CCSER1: variants seen among roughly 807,000 people sequenced by gnomAD.
CCSER1 encodes coiled-coil serine rich protein 1.
CCSER1 carries 41 observed loss-of-function variants against 82.0 expected under a neutral mutation model. The observed-to-expected ratio is 0.50, with a 90% CI of 0.39 to 0.65. CCSER1 has a LOEUF of 0.65. Ranked by LOEUF, CCSER1 falls within the 30% of genes least tolerant of loss-of-function variation. The probability of loss-of-function intolerance (pLI) is 0.00; values close to 1 mark genes in which losing one functional copy is unlikely to be tolerated. For synonymous variants in CCSER1, 414 were observed against 383.9 expected (o/e 1.08, Z -0.92); for missense variants, 1,119 against 1,064.2 (o/e 1.05, Z -0.72).
chr4:90,913,439 G>A (rs1004126899), intron 8 of CCSER1, among the ~76,000 whole-genome samples: 1 of 152,142 alleles, frequency 6.6e-6, no homozygotes, highest in African/African-American at 2.4e-5. Context: ...ACAAGCAAAT[G>A]CTGAGAGATT....
At chr4:91,489,334 C>T (rs574292107) in intron 10 of CCSER1, among the ~76,000 whole-genome samples, 6 of 152,208 alleles carry the variant, frequency 3.9e-5, no homozygotes, top group South Asian at 2.1e-4. Flanking sequence ...CTGAGTAATA[C>T]GGAAAGTAAT....
At chr4:91,308,636 C>G (rs1365669878) in intron 10 of CCSER1, among the ~76,000 whole-genome samples, 1 of 151,976 alleles carries the variant, frequency 6.6e-6, no homozygotes, top group Non-Finnish European at 1.5e-5. Context: ...TGCTGTTGCA[C>G]TAGCATGCAC....
chr4:91,420,862 C>A, intron 10 of CCSER1, among the ~76,000 whole-genome samples: 1 of 152,086 alleles, frequency 6.6e-6, no homozygotes, highest in East Asian at 1.9e-4. Flanking sequence ...TGGAAAATGT[C>A]TTTTAGTCAT....
chr4:91,547,704 G>A (rs1454358051), intron 10 of CCSER1, among the ~76,000 whole-genome samples: 8 of 152,004 alleles, frequency 5.3e-5, no homozygotes, highest in Non-Finnish European at 7.4e-5. Context: ...ATACTAATAT[G>A]TATCATATTT....
At chr4:91,154,774 G>T (rs1410453473) in intron 10 of CCSER1, among the ~76,000 whole-genome samples, 1 of 151,858 alleles carries the variant, frequency 6.6e-6, no homozygotes, top group African/African-American at 2.4e-5. Flanking sequence ...TTAAAATTGG[G>T]TCATTTAAAA....
chr4:91,442,648 T>C (rs569326434), intron 10 of CCSER1, among the ~76,000 whole-genome samples: 2,060 of 135,796 alleles, frequency 0.015, 17 homozygotes, highest in Non-Finnish European at 0.022. Flanking sequence ...AAAGAGCTTC[T>C]GCACAGCAAA....
At chr4:91,341,068 G>C (rs1166367805) in intron 10 of CCSER1, among the ~76,000 whole-genome samples, 1 of 152,130 alleles carries the variant, frequency 6.6e-6, no homozygotes, top group Non-Finnish European at 1.5e-5. Context: ...CAAATTTGCT[G>C]CCCAGATCTC....
chr4:90,331,914 G>A (rs561330020), intron 3 of CCSER1, among the ~76,000 whole-genome samples: 1 of 152,020 alleles, frequency 6.6e-6, no homozygotes, highest in African/African-American at 2.4e-5. Flanking sequence ...AGAACTTGTA[G>A]GAAGTAGAAC....
chr4:90,324,952 C>G (rs904775815), intron 3 of CCSER1, among the ~76,000 whole-genome samples: 1 of 152,118 alleles, frequency 6.6e-6, no homozygotes, highest in Non-Finnish European at 1.5e-5. Flanking sequence ...GCTTGTTTTT[C>G]TCAGATTTGT....
chr4:91,183,452 A>G (rs1734235739), intron 10 of CCSER1, among the ~76,000 whole-genome samples: 1 of 152,220 alleles, frequency 6.6e-6, no homozygotes, highest in East Asian at 1.9e-4. Context: ...AGTTAATTTC[A>G]AAAACTGAAA....
At chr4:90,526,507 G>A (rs182813887) in intron 5 of CCSER1, among the ~76,000 whole-genome samples, 31 of 151,968 alleles carry the variant, frequency 2.0e-4, no homozygotes, top group South Asian at 6.3e-4. Flanking sequence ...CCATCAACCC[G>A]TCATCTACAT....
intron 10 of CCSER1, among the ~76,000 whole-genome samples, chr4:91,468,999 C>T (rs1413200968): frequency 1.3e-5 from 2 of 152,018 alleles, no homozygotes; most frequent in East Asian, 3.9e-4. Context: ...ATCTTACAGT[C>T]CACTGCTCAA....
At chr4:90,245,590 A>G (rs1721281194) in intron 1 of CCSER1, among the ~76,000 whole-genome samples, 1 of 152,194 alleles carries the variant, frequency 6.6e-6, no homozygotes, top group African/African-American at 2.4e-5. Context: ...TTTTGTAAAA[A>G]TGACGATTGA....
intron 10 of CCSER1, among the ~76,000 whole-genome samples, chr4:91,454,304 T>C (rs1051778143): frequency 1.3e-5 from 2 of 152,182 alleles, no homozygotes; most frequent in East Asian, 3.9e-4. Flanking sequence ...CCTTGGCTTC[T>C]CCAGCTCCTA....
intron 10 of CCSER1, among the ~76,000 whole-genome samples, chr4:91,304,025 T>C (rs958765647): frequency 6.6e-6 from 1 of 152,010 alleles, no homozygotes; most frequent in Non-Finnish European, 1.5e-5. Context: ...AAATGTTCCC[T>C]TATAAATATT....
intron 8 of CCSER1, among the ~76,000 whole-genome samples, chr4:90,823,661 G>C (rs74337451): frequency 0.02 from 2,971 of 151,186 alleles, 107 homozygotes; most frequent in African/African-American, 0.068. Flanking sequence ...TCTCTATTTT[G>C]GGGGGGGATG....
Position 91,162,476 on chromosome 4 carries a change from T to A in CCSER1, c.2217+76482T>A, listed in dbSNP as rs181591613. ...AGTTAGAGAGGAATTCCTCTTTTTC[T>A]ATTGATTGGAATATTTTCAGAAGGA... On this transcript the variant is annotated intron_variant, in intron 10 of 10. Transcript: ENST00000509176. Among the ~76,000 whole-genome samples the A allele has an allele frequency of 5.4e-3, 818 of 152,314 alleles. 7 individuals carry two copies. Among genetic ancestry groups the A allele is most frequent in the African/African-American group, 0.019 (775 of 41,562 alleles).
intron 5 of CCSER1, among the ~76,000 whole-genome samples, chr4:90,590,613 T>C: frequency 6.6e-6 from 1 of 151,594 alleles, no homozygotes; most frequent in Non-Finnish European, 1.5e-5. Flanking sequence ...GCTGTAGATG[T>C]GTGGTGTTAT....
At chr4:90,782,692 T>TC (rs921446277) in intron 7 of CCSER1, among the ~76,000 whole-genome samples, 1 of 147,272 alleles carries the variant, frequency 6.8e-6, no homozygotes, top group Non-Finnish European at 1.5e-5. Context: ...TTTCTTTTTT[T>TC]TTTTTTTTTG....
Sources: gnomAD v4.1 joint callset for allele counts (sites outside exome capture counted in the v4.1 genomes callset) on GRCh38, gnomAD v4.1.1 for gene constraint, MANE v1.5 for transcripts, NCBI Gene and HGNC (gene_info 2026-07-23, HGNC 2026-07-21) for gene names.